STAU2: variants seen among roughly 807,000 people sequenced by gnomAD.
STAU2 encodes double-stranded RNA-binding protein Staufen homolog 2.
Under a neutral mutation model 65.9 loss-of-function variants are expected in STAU2, and 20 were observed. That is an observed-to-expected ratio of 0.30 (90% CI 0.21 to 0.44). STAU2 has a LOEUF of 0.44. Ranked by LOEUF, STAU2 falls within the 20% of genes least tolerant of loss-of-function variation. STAU2 has a pLI of 1.00. For synonymous variants in STAU2, 232 were observed against 233.9 expected (o/e 0.99, Z 0.07); for missense variants, 558 against 683.9 (o/e 0.82, Z 2.05).
intron 6 of STAU2, among the ~76,000 whole-genome samples, chr8:73,662,731 C>G (rs889778912): frequency 1.2e-4 from 18 of 152,260 alleles, no homozygotes; most frequent in Admixed American, 7.8e-4. Flanking sequence ...ATTCTCCTGC[C>G]TCAGCCTCCT....
At chr8:73,710,239 A>G (rs1820798114) in intron 3 of STAU2, among the ~76,000 whole-genome samples, 1 of 151,852 alleles carries the variant, frequency 6.6e-6, no homozygotes, top group Non-Finnish European at 1.5e-5. Context: ...ATTTTTCTCC[A>G]CTACTATTTT....
intron 13 of STAU2, among the ~76,000 whole-genome samples, chr8:73,475,944 C>T (rs373089998): frequency 3.9e-5 from 6 of 152,138 alleles, no homozygotes; most frequent in Non-Finnish European, 8.8e-5. Flanking sequence ...AATGTAATGA[C>T]ACTAAATGTT....
At chr8:73,518,135 C>T (rs757881892) in intron 13 of STAU2, among the ~76,000 whole-genome samples, 4 of 152,176 alleles carry the variant, frequency 2.6e-5, no homozygotes, top group African/African-American at 9.7e-5. Context: ...TCTTTTAACA[C>T]TCTGATAAAT....
chr8:73,686,878 T>C (rs1470264592), intron 5 of STAU2, among the ~76,000 whole-genome samples: 1 of 147,398 alleles, frequency 6.8e-6, no homozygotes, highest in Non-Finnish European at 1.5e-5. Context: ...GCGGAATTTG[T>C]GATGGGGTTT....
intron 13 of STAU2, chr8:73,439,383 G>A (rs566104337): frequency 6.1e-5 from 15 of 245,474 alleles, no homozygotes; most frequent in South Asian, 5.9e-4. Context: ...TTGGGAGGCC[G>A]AGGCGGGCAG....
intron 13 of STAU2, among the ~76,000 whole-genome samples, chr8:73,428,970 G>A (rs949655834): frequency 7.2e-5 from 11 of 152,146 alleles, no homozygotes; most frequent in South Asian, 2.1e-4. Context: ...CTGGAATGGC[G>A]GCGTGCTCTC....
intron 13 of STAU2, among the ~76,000 whole-genome samples, chr8:73,449,820 C>A (rs1015505006): frequency 2.6e-5 from 4 of 152,156 alleles, no homozygotes; most frequent in Non-Finnish European, 5.9e-5. Flanking sequence ...GGGGGTGAGG[C>A]GGGGAGACAC....
At chr8:73,586,954 A>G (rs1810419718) in intron 11 of STAU2, among the ~76,000 whole-genome samples, 1 of 152,184 alleles carries the variant, frequency 6.6e-6, no homozygotes, top group Admixed American at 6.5e-5. Context: ...TATTAAAGAA[A>G]TAAGAAATTT....
At chr8:73,623,644 G>A (rs1813427487) in intron 6 of STAU2, among the ~76,000 whole-genome samples, 1 of 151,910 alleles carries the variant, frequency 6.6e-6, no homozygotes, top group Admixed American at 6.6e-5. Context: ...GGACCCTAAA[G>A]GCCAAAACTA....
At position 73,479,712 on chromosome 8, in the gene STAU2, CGTGTGTGTGTGT is replaced by C. The variant is rs5892422; in HGVS notation, c.1531-57022_1531-57011del. 9.0e-5 allele frequency among the ~76,000 whole-genome samples: 13 copies of C among 143,804 alleles called. 1 individual carries two copies. Among genetic ancestry groups the C allele is most frequent in the East Asian group, 6.1e-4 (3 of 4,930 alleles). The allele number at this position is 143,804 out of a possible 152,430, so 94.3% of individuals were successfully genotyped here. Reference sequence around the variant, plus strand: ...TCCAACAAAGATACACTTAAATATACGTGTGTGTGTGTGTGTGTGTGTGTGTGTAGACCTAAA... The same window carrying C: ...TCCAACAAAGATACACTTAAATATACGTGTGTGTGTGTGTGTAGACCTAAA... On this transcript the variant is annotated intron_variant, in intron 13 of 14. Transcript: ENST00000524300.
At chr8:73,677,835 CTAT>C (rs1818127602) in intron 5 of STAU2, among the ~76,000 whole-genome samples, 1 of 152,136 alleles carries the variant, frequency 6.6e-6, no homozygotes, top group Admixed American at 6.5e-5. Context: ...TCTCAGCTTA[CTAT>C]AACACTCAAC....
chr8:73,455,458 C>G (rs1384836174), intron 13 of STAU2, among the ~76,000 whole-genome samples: 3 of 152,182 alleles, frequency 2.0e-5, no homozygotes, highest in Non-Finnish European at 2.9e-5. Context: ...CAGACACTGA[C>G]ACCAGACCTC....
intron 13 of STAU2, among the ~76,000 whole-genome samples, chr8:73,506,348 C>T (rs1475349206): frequency 6.6e-6 from 1 of 152,040 alleles, no homozygotes; most frequent in Non-Finnish European, 1.5e-5. Context: ...ACAGACTTGC[C>T]TCAGAGACAT....
intron 12 of STAU2, among the ~76,000 whole-genome samples, chr8:73,581,453 G>A (rs1436395876): frequency 6.6e-6 from 1 of 152,128 alleles, no homozygotes; most frequent in Non-Finnish European, 1.5e-5. Flanking sequence ...AAGACAAGAG[G>A]GAGGAGGCAT....
At chr8:73,523,215 A>G (rs867137885) in intron 13 of STAU2, among the ~76,000 whole-genome samples, 4,733 of 150,230 alleles carry the variant, frequency 0.032, 237 homozygotes, top group Admixed American at 0.12. Context: ...AAAAAAAAAA[A>G]AAAAGAAAAG....
chr8:73,600,066 C>T (rs1034833008), intron 10 of STAU2, among the ~76,000 whole-genome samples: 24 of 152,166 alleles, frequency 1.6e-4, no homozygotes, highest in African/African-American at 5.5e-4. Flanking sequence ...CCACGCCCAG[C>T]CTCCAACAGT....
At chr8:73,733,507 G>A (rs71527229) in intron 3 of STAU2, among the ~76,000 whole-genome samples, 124 of 152,174 alleles carry the variant, frequency 8.1e-4, no homozygotes, top group Non-Finnish European at 1.3e-3. Context: ...TACCATACTG[G>A]TAAATATTAT....
At chr8:73,471,531 A>AT (rs969634994) in intron 13 of STAU2, among the ~76,000 whole-genome samples, 1 of 150,536 alleles carries the variant, frequency 6.6e-6, no homozygotes, top group African/African-American at 2.4e-5. Flanking sequence ...TTAAAAAAAA[A>AT]AAAAAGGCTG....
At chr8:73,725,778 T>G (rs971046250) in intron 3 of STAU2, among the ~76,000 whole-genome samples, 1 of 151,974 alleles carries the variant, frequency 6.6e-6, no homozygotes, top group African/African-American at 2.4e-5. Flanking sequence ...ACAAAATATA[T>G]AAAAATTAGC....
Sources: gnomAD v4.1 joint callset for allele counts (sites outside exome capture counted in the v4.1 genomes callset) on GRCh38, gnomAD v4.1.1 for gene constraint, MANE v1.5 for transcripts, NCBI Gene and HGNC (gene_info 2026-07-23, HGNC 2026-07-21) for gene names.